Variants in CMSS1 observed in about 807,000 individuals in gnomAD.
CMSS1 encodes protein CMSS1.
CMSS1 carries 33 observed loss-of-function variants against 43.5 expected under a neutral mutation model. That is an observed-to-expected ratio of 0.76 (90% CI 0.57 to 1.01). The LOEUF is 1.01. Ranked by LOEUF, CMSS1 falls within the 50% of genes least tolerant of loss-of-function variation. The pLI is 0.00. For synonymous variants in CMSS1, 115 were observed against 117.2 expected, an observed-to-expected ratio of 0.98 and a Z score of 0.12; for missense variants, 313 against 326.4, an observed-to-expected ratio of 0.96 and a Z score of 0.32.
At chr3:100,095,705 G>T (rs1314798940) in intron 1 of CMSS1, among the ~76,000 whole-genome samples, 1 of 152,082 alleles carries the variant, frequency 6.6e-6, no homozygotes, top group Non-Finnish European at 1.5e-5. Context: ...CAAGACATTG[G>T]TCTGGGTAAA....
At chr3:100,052,321 T>C (rs148191786) in intron 1 of CMSS1, among the ~76,000 whole-genome samples, 3 of 152,358 alleles carry the variant, frequency 2.0e-5, no homozygotes, top group East Asian at 1.9e-4. Context: ...AACCTTCTTA[T>C]TGAATGGCAC....
At chr3:99,858,396 C>T (rs1273452266) in intron 1 of CMSS1, among the ~76,000 whole-genome samples, 1 of 151,998 alleles carries the variant, frequency 6.6e-6, no homozygotes, top group Non-Finnish European at 1.5e-5. Context: ...ACCCGTGAGG[C>T]AGAGGTTGCA....
intron 1 of CMSS1, among the ~76,000 whole-genome samples, chr3:99,857,951 G>T (rs190767451): frequency 1.3e-5 from 2 of 152,310 alleles, no homozygotes; most frequent in Admixed American, 6.5e-5. Flanking sequence ...ATGAACAGGG[G>T]ATAGAGGATC....
rs183915802 is a variant in CMSS1 at position 100,180,239 on chromosome 3, T to C, written c.*1851T>C. ...AAGTGCCCTGGAGGCATTTTATCCATTGTTTTGGCTATTAACATTTGGCTC... is the reference window on the plus strand; with the variant it reads ...AAGTGCCCTGGAGGCATTTTATCCACTGTTTTGGCTATTAACATTTGGCTC... On this transcript the variant is annotated 3_prime_UTR_variant, in exon 10 of 10. Transcript: ENST00000421999. The C allele has an allele frequency of 1.3e-5, 2 of 152,340 alleles. No homozygotes were observed. 9.4% of individuals were successfully genotyped at this position (152,340 alleles called of 1,614,324 possible).
At chr3:99,909,560 G>A (rs1706726492) in intron 1 of CMSS1, among the ~76,000 whole-genome samples, 1 of 152,166 alleles carries the variant, frequency 6.6e-6, no homozygotes, top group East Asian at 1.9e-4. Flanking sequence ...TCTTTTAGGT[G>A]AAGCAGAAAC....
intron 2 of CMSS1, among the ~76,000 whole-genome samples, chr3:100,154,750 A>G (rs1311113918): frequency 6.6e-6 from 1 of 152,202 alleles, no homozygotes; most frequent in Non-Finnish European, 1.5e-5. Context: ...AGGCGGGCAG[A>G]TCACTTGAGG....
chr3:100,142,455 A>G (rs975972580), intron 1 of CMSS1, among the ~76,000 whole-genome samples: 17 of 152,224 alleles, frequency 1.1e-4, no homozygotes, highest in Admixed American at 1.1e-3. Flanking sequence ...GAGAATGTAC[A>G]TAGGTTGTAT....
intron 1 of CMSS1, among the ~76,000 whole-genome samples, chr3:100,012,596 G>C (rs1291558657): frequency 6.6e-6 from 1 of 151,994 alleles, no homozygotes; most frequent in Non-Finnish European, 1.5e-5. Flanking sequence ...GAGGATTTCA[G>C]ATTCCCCCAC....
intron 1 of CMSS1, among the ~76,000 whole-genome samples, chr3:100,107,216 T>A (rs2066410526): frequency 6.6e-6 from 1 of 152,164 alleles, no homozygotes; most frequent in Non-Finnish European, 1.5e-5. Context: ...AATTGCCTTT[T>A]AAAGATGAAC....
At chr3:100,068,769 A>AG (rs2065711339) in intron 1 of CMSS1, among the ~76,000 whole-genome samples, 1 of 152,162 alleles carries the variant, frequency 6.6e-6, no homozygotes, top group South Asian at 2.1e-4. Context: ...CTGGGAATAC[A>AG]GGCGCCCACC....
rs146334015 is a variant in CMSS1, at chr3:100,178,314, G to A, written c.766G>A (p.Glu256Lys). ...CTTTTCTCTCATTTAGATAAGAAAGGAGGTATTCGAACTTCTGGAAATGGG... is the reference window on the plus strand; with the variant it reads ...CTTTTCTCTCATTTAGATAAGAAAGAAGGTATTCGAACTTCTGGAAATGGG... The part of the protein sequence containing the change: ...RMMDIPEIRK[E>K]VFELLEMGVL... Residue 256 changes from glutamate (E) to lysine (K), a missense_variant, in exon 10 of 10, where the codon GAG becomes AAG. By Grantham distance (56) the Glu-to-Lys change is moderately conservative. Transcript: ENST00000421999. 848 of 1,608,428 alleles carry A rather than the reference G, an allele frequency of 5.3e-4. No individual in the cohort carries two copies. Among genetic ancestry groups the A allele is most frequent in the Non-Finnish European group, 6.4e-4 (747 of 1,175,294 alleles).
At chr3:99,930,699 A>T in intron 1 of CMSS1, 1 of 1,540,554 alleles carries the variant, frequency 6.5e-7, no homozygotes, top group Non-Finnish European at 8.9e-7. Flanking sequence ...TTTCTGTGGC[A>T]GCAGGAACAC....
intron 1 of CMSS1, among the ~76,000 whole-genome samples, chr3:99,926,870 C>T (rs150535360): frequency 2.6e-5 from 4 of 152,228 alleles, no homozygotes; most frequent in East Asian, 1.9e-4. Flanking sequence ...AGAAGGAATC[C>T]GTGCCCTTCA....
chr3:100,059,427 T>G (rs1386869969), intron 1 of CMSS1, among the ~76,000 whole-genome samples: 1 of 152,232 alleles, frequency 6.6e-6, no homozygotes, highest in Non-Finnish European at 1.5e-5. Flanking sequence ...TTTCCCCTGC[T>G]TCTTCACTCT....
At chr3:100,100,486 C>G (rs2066285595) in intron 1 of CMSS1, among the ~76,000 whole-genome samples, 1 of 152,108 alleles carries the variant, frequency 6.6e-6, no homozygotes. Context: ...GATTACACAG[C>G]AAGTCCACAT....
rs1374816172 is a variant in CMSS1, at chr3:100,167,856, T to G, written c.518+16T>G. 2.0e-6 allele frequency: 3 copies of G among 1,537,204 alleles called. No homozygotes were observed. Among genetic ancestry groups the G allele is most frequent in the South Asian group, 1.1e-5 (1 of 87,400 alleles). On this transcript the variant is annotated intron_variant, in intron 6 of 9. Transcript: ENST00000421999. Reference sequence around the variant, plus strand: ...AGCTCATTAGGTTGGAAGGTTCACCTATTCCATATCATAAATGTTTTCTGA... The same window carrying G: ...AGCTCATTAGGTTGGAAGGTTCACCGATTCCATATCATAAATGTTTTCTGA...
At chr3:99,937,429 C>T (rs1263593196) in intron 1 of CMSS1, among the ~76,000 whole-genome samples, 1 of 152,148 alleles carries the variant, frequency 6.6e-6, no homozygotes, top group African/African-American at 2.4e-5. Flanking sequence ...TTTTCTCAAC[C>T]ACTGCTGTCA....
At chr3:99,948,156 G>A (rs778915481) in intron 1 of CMSS1, among the ~76,000 whole-genome samples, 9 of 152,056 alleles carry the variant, frequency 5.9e-5, no homozygotes, top group Non-Finnish European at 1.3e-4. Context: ...TAGAAACATG[G>A]TTACCAAACA....
At chr3:100,050,431 T>A (rs573271682) in intron 1 of CMSS1, among the ~76,000 whole-genome samples, 2 of 152,222 alleles carry the variant, frequency 1.3e-5, no homozygotes, top group Non-Finnish European at 2.9e-5. Context: ...AATGCTAAAA[T>A]AGAATGCTTA....
Sources: allele counts gnomAD v4.1 joint callset (sites outside exome capture counted in the v4.1 genomes callset), GRCh38; gene constraint gnomAD v4.1.1; transcripts MANE v1.5; gene names NCBI Gene and HGNC (gene_info 2026-07-23, HGNC 2026-07-21).